LRIG1: variants seen among roughly 807,000 people sequenced by gnomAD.
LRIG1 encodes leucine-rich repeats and immunoglobulin-like domains protein 1.
LRIG1 carries 48 observed loss-of-function variants against 99.2 expected under a neutral mutation model. The ratio of observed to expected loss-of-function variants is 0.48; its 90% CI spans 0.38 to 0.62. The LOEUF (loss-of-function observed/expected upper bound fraction) is 0.62. LRIG1 is among the 20% of genes least tolerant of loss of function. LRIG1 has a pLI of 0.00. For synonymous variants in LRIG1, 772 were observed against 596.1 expected (o/e 1.29, Z -4.30); for missense variants, 1,646 against 1,434.4 (o/e 1.15, Z -2.38).
intron 3 of LRIG1, among the ~76,000 whole-genome samples, chr3:66,434,779 C>A (rs1038927055): frequency 6.8e-6 from 1 of 147,846 alleles, no homozygotes; most frequent in African/African-American, 2.5e-5. Flanking sequence ...AAAAAACACA[C>A]CACCAAATGC....
At chr3:66,456,335 C>T (rs779511656) in intron 2 of LRIG1, among the ~76,000 whole-genome samples, 5 of 152,094 alleles carry the variant, frequency 3.3e-5, no homozygotes, top group Non-Finnish European at 7.4e-5. Context: ...GTATTCCAGC[C>T]CTTTGGGAGG....
At chr3:66,471,543 G>A (rs962035658) in intron 1 of LRIG1, among the ~76,000 whole-genome samples, 8 of 152,224 alleles carry the variant, frequency 5.3e-5, no homozygotes, top group Admixed American at 4.6e-4. Flanking sequence ...GCTGCAGGGA[G>A]AGCAAAGGCT....
intron 8 of LRIG1, among the ~76,000 whole-genome samples, chr3:66,406,955 T>TA (rs1288571362): frequency 3.3e-5 from 5 of 152,158 alleles, no homozygotes. Context: ...GACTTGGAAG[T>TA]TGCAGCTGAA....
chr3:66,493,008 C>T (rs969602276), intron 1 of LRIG1, among the ~76,000 whole-genome samples: 2 of 152,174 alleles, frequency 1.3e-5, no homozygotes, highest in African/African-American at 2.4e-5. Flanking sequence ...AGTTACTATG[C>T]AATTCCAAAC....
chr3:66,459,932 C>T (rs985681573), intron 2 of LRIG1, among the ~76,000 whole-genome samples: 3 of 152,164 alleles, frequency 2.0e-5, no homozygotes, highest in Admixed American at 1.3e-4. Flanking sequence ...GGAAAGAAAT[C>T]AGTAATACTA....
chr3:66,462,932 C>T (rs532587906), intron 1 of LRIG1, among the ~76,000 whole-genome samples: 24 of 152,040 alleles, frequency 1.6e-4, no homozygotes, highest in African/African-American at 5.3e-4. Flanking sequence ...AGGGAAAAAA[C>T]CCCTTCATTG....
At chr3:66,401,283 G>T (rs957872241) in intron 9 of LRIG1, among the ~76,000 whole-genome samples, 7 of 152,214 alleles carry the variant, frequency 4.6e-5, no homozygotes, top group African/African-American at 7.2e-5. Context: ...AAACTCGCCA[G>T]CAAGTAACAG....
chr3:66,417,297 ATC>A (rs751693696), intron 3 of LRIG1, 31 bp from the exon 4 acceptor site: 2 of 1,598,974 alleles, frequency 1.3e-6, no homozygotes, highest in South Asian at 2.2e-5. Flanking sequence ...TGACTTGAGC[ATC>A]TCTTTTTGCA....
chr3:66,427,086 AAC>A (rs1378589577), intron 3 of LRIG1, among the ~76,000 whole-genome samples: 2 of 152,178 alleles, frequency 1.3e-5, no homozygotes, highest in African/African-American at 4.8e-5. Context: ...AAAAAAATCT[AAC>A]ACCCCCGGCC....
chr3:66,475,182 A>C (rs1005039230), intron 1 of LRIG1, among the ~76,000 whole-genome samples: 6 of 152,212 alleles, frequency 3.9e-5, no homozygotes, highest in Admixed American at 3.9e-4. Flanking sequence ...AGGTTCTACC[A>C]ATCACTCCTT....
At chr3:66,387,019 T>C (rs542363471) in intron 12 of LRIG1, 1 of 149,944 alleles carries the variant, frequency 6.7e-6, no homozygotes, top group South Asian at 2.2e-4. Flanking sequence ...ATGTGGCCTA[T>C]CTGGCAGCAA....
intron 3 of LRIG1, among the ~76,000 whole-genome samples, chr3:66,426,972 G>A (rs917676028): frequency 2.0e-5 from 3 of 152,176 alleles, no homozygotes; most frequent in African/African-American, 2.4e-5. Flanking sequence ...ATCTTAACAC[G>A]TCTTACTTAA....
chr3:66,383,196 G>T lies in LRIG1; in HGVS notation c.2277C>A (p.Gly759=). The part of the protein sequence containing the change: ...VVQNVVAEDA[G]RYTCEMSNTL... The stretch of plus-strand genomic sequence containing the variant: ...TGTTGGACATCTCACAGGTATATCG[G>T]CCCGCATCCTCTGCCACCACGTTCT... The change falls in exon 15 of 19, where the codon GGC becomes GGA. Residue 759 remains glycine (G), a synonymous_variant. Coordinates refer to ENST00000273261, the MANE Select transcript of LRIG1 (RefSeq NM_015541.3). 1 of 1,614,228 alleles carries T rather than the reference G, an allele frequency of 6.2e-7. No homozygotes were observed. The highest frequency in any genetic ancestry group is 8.5e-7 in the Non-Finnish European group (1 of 1,180,050).
intron 3 of LRIG1, among the ~76,000 whole-genome samples, chr3:66,443,948 T>TG (rs1703631373): frequency 6.6e-6 from 1 of 151,988 alleles, no homozygotes; most frequent in Non-Finnish European, 1.5e-5. Flanking sequence ...ATGGGGCAGG[T>TG]GGGGACCCCA....
At chr3:66,440,980 G>T (rs1242696524) in intron 3 of LRIG1, among the ~76,000 whole-genome samples, 1 of 152,140 alleles carries the variant, frequency 6.6e-6, no homozygotes, top group Non-Finnish European at 1.5e-5. Context: ...AGCGTAAGGT[G>T]AAGAGATCCA....
At chr3:66,458,196 G>A (rs1222007377) in intron 2 of LRIG1, among the ~76,000 whole-genome samples, 2 of 152,144 alleles carry the variant, frequency 1.3e-5, no homozygotes, top group African/African-American at 4.8e-5. Context: ...GCACGCTGAA[G>A]CCTCAACCTC....
chr3:66,407,231 T>A, intron 8 of LRIG1, 117 bp downstream of exon 8: 1 of 1,088,820 alleles, frequency 9.2e-7, no homozygotes, highest in Non-Finnish European at 1.4e-6. Flanking sequence ...CAAGCCAGCT[T>A]TGGATCCAAT....
At chr3:66,402,628 C>G (rs932560348) in intron 9 of LRIG1, among the ~76,000 whole-genome samples, 2 of 152,158 alleles carry the variant, frequency 1.3e-5, no homozygotes, top group Non-Finnish European at 2.9e-5. Context: ...TAGGGCAGAC[C>G]CTGAACACAA....
At chr3:66,424,971 G>A (rs967755723) in intron 3 of LRIG1, among the ~76,000 whole-genome samples, 5 of 152,212 alleles carry the variant, frequency 3.3e-5, no homozygotes, top group African/African-American at 1.2e-4. Flanking sequence ...TGGTATTCAG[G>A]AGGTTAGAGG....
Sources: allele counts gnomAD v4.1 joint callset (sites outside exome capture counted in the v4.1 genomes callset), GRCh38; gene constraint gnomAD v4.1.1; transcripts MANE v1.5; gene names NCBI Gene and HGNC (gene_info 2026-07-23, HGNC 2026-07-21).